The following TKTL1 variants were observed in gnomAD, a reference collection of about 807,000 sequenced individuals.
The protein encoded by TKTL1 is transketolase like 1, also known as transketolase-like protein 1.
TKTL1 carries 1 observed loss-of-function variant against 39.3 expected under a neutral mutation model. That is an observed-to-expected ratio of 0.03 (90% CI 0.01 to 0.12). The LOEUF (loss-of-function observed/expected upper bound fraction) is 0.12, where lower values mean the gene tolerates loss of function less well. TKTL1 is among the 10% of genes least tolerant of loss of function. The probability of loss-of-function intolerance (pLI) is 1.00; values close to 1 mark genes in which losing one functional copy is unlikely to be tolerated. For missense variants in TKTL1, 575 were observed against 509.6 expected, an observed-to-expected ratio of 1.13 and a Z score of -1.24; for synonymous variants, 262 against 193.8, an observed-to-expected ratio of 1.35 and a Z score of -2.92.
chrX:154,328,124 G>C (rs1341016110), intron 12 of TKTL1, among the ~76,000 whole-genome samples, 166 bp downstream of exon 12: 2 of 111,144 alleles, frequency 1.8e-5, no homozygotes, highest in African/African-American at 6.7e-5. Flanking sequence ...ACATCTGTGT[G>C]TCCCCAACAG....
chrX:154,328,002 T>C, intron 12 of TKTL1, 44 bp downstream of exon 12: 2 of 1,203,622 alleles, frequency 1.7e-6, no homozygotes, highest in Non-Finnish European at 2.2e-6. Flanking sequence ...TTTGGTGTTT[T>C]TGTTTCCTTG....
intron 3 of TKTL1, among the ~76,000 whole-genome samples, chrX:154,310,051 T>C (rs2067343933): frequency 9.0e-6 from 1 of 111,474 alleles, no homozygotes; most frequent in Non-Finnish European, 1.9e-5. Context: ...GTTTTCTTGA[T>C]GCGAACACTC....
At chrX:154,303,164 C>T (rs1557166336) in intron 1 of TKTL1, among the ~76,000 whole-genome samples, 1 of 104,019 alleles carries the variant, frequency 9.6e-6, no homozygotes, top group African/African-American at 3.6e-5. Flanking sequence ...TCTCATTCCC[C>T]ATTTTTTAAA....
At position 154,315,264 on chromosome X, in the gene TKTL1, C is replaced by A. The variant is rs781880487; in HGVS notation, c.956C>A (p.Ser319Tyr). The A allele has an allele frequency of 8.3e-7, 1 of 1,211,188 alleles. No individual in the cohort carries two copies. Among genetic ancestry groups the A allele is most frequent in the Non-Finnish European group, 1.1e-6 (1 of 895,205 alleles). ...VVVLDGDTRY[S>Y]TFSEIFNKEY... ...GTGCTGGATGGTGACACCAGGTACT[C>A]TACTTTCTCTGAGATATTCAACAAG... The change falls in exon 7 of 13, where the codon TCT (serine) becomes TAT (tyrosine). Residue 319 changes from serine to tyrosine, a missense_variant. Physicochemically the swap from Ser to Tyr is moderately radical, Grantham distance 144. Transcript: ENST00000369915.
intron 9 of TKTL1, among the ~76,000 whole-genome samples, chrX:154,324,803 T>G (rs2067480848): frequency 8.9e-6 from 1 of 112,314 alleles, no homozygotes; most frequent in Non-Finnish European, 1.9e-5. Context: ...TCGTTTATAA[T>G]GCATCCATTA....
At position 154,295,802 on chromosome X, in the gene TKTL1, G is replaced by T; in HGVS notation, c.-58G>T. On this transcript the variant is annotated 5_prime_UTR_variant, in exon 1 of 13. Transcript: ENST00000369915. Reference sequence around the variant, plus strand: ...ACTGGGCAGCTCGCAGGCGCCATTCGCTCTTCAGACGCCGGAGACGTAGGA... The same window carrying T: ...ACTGGGCAGCTCGCAGGCGCCATTCTCTCTTCAGACGCCGGAGACGTAGGA... 8.5e-7 allele frequency: 1 copy of T among 1,182,004 alleles called. No homozygotes were observed. Among genetic ancestry groups the T allele is most frequent in the Middle Eastern group, 2.5e-4 (1 of 4,007 alleles).
intron 10 of TKTL1, chrX:154,327,274 G>A (rs1414294843): frequency 1.6e-5 from 7 of 433,652 alleles, no homozygotes; most frequent in South Asian, 4.8e-5. Context: ...AGCACTCAGC[G>A]TGTTGCCAAT....
chrX:154,327,770 T>C, intron 11 of TKTL1, 69 bp from the exon 12 acceptor site: 21 of 1,205,403 alleles, frequency 1.7e-5, no homozygotes, highest in Non-Finnish European at 2.4e-5. Context: ...GAGTGCTCTT[T>C]TTATTTTTAT....
intron 1 of TKTL1, among the ~76,000 whole-genome samples, chrX:154,302,312 A>G (rs1429741509): frequency 9.0e-6 from 1 of 111,496 alleles, no homozygotes; most frequent in African/African-American, 3.3e-5. Flanking sequence ...AGGGTTGAAT[A>G]GGGGCACCCA....
At chrX:154,305,070 G>C in intron 1 of TKTL1, 2 of 1,131,730 alleles carry the variant, frequency 1.8e-6, no homozygotes, top group Non-Finnish European at 2.4e-6. Context: ...CTTGCCCCGA[G>C]TCCACGGTGC....
chrX:154,328,009 C>G, intron 12 of TKTL1, 51 bp downstream of exon 12: 3 of 1,195,332 alleles, frequency 2.5e-6, no homozygotes, highest in Non-Finnish European at 3.4e-6. Context: ...TTTTTGTTTC[C>G]TTGATTGGCC....
chrX:154,315,091 C>T, intron 6 of TKTL1, 82 bp from the exon 7 acceptor site: 1 of 991,457 alleles, frequency 1.0e-6, no homozygotes, highest in South Asian at 2.5e-5. Flanking sequence ...TGTCATTCTA[C>T]AATATGGTAC....
In TKTL1 at chrX:154,312,750, C is replaced by T. The variant is rs1557168642; in HGVS notation, c.841C>T (p.Pro281Ser). 1.0e-5 allele frequency: 12 copies of T among 1,205,766 alleles called. No homozygotes were observed. The East Asian group carries it at 3.3e-4, about 33-fold the overall frequency. ...NITDVRMTSP[P>S]DYRVGDKIAT... Reference sequence around the variant, plus strand: ...CACAGATGTAAGGATGACCTCTCCACCTGATTACAGAGTTGGTGACAAGGT... The same window carrying T: ...CACAGATGTAAGGATGACCTCTCCATCTGATTACAGAGTTGGTGACAAGGT... The change falls in exon 6 of 13, where the codon CCT (proline) becomes TCT (serine). Residue 281 changes from proline (P) to serine (S), a missense_variant. Physicochemically the swap from Pro to Ser is moderately conservative, Grantham distance 74. Coordinates refer to ENST00000369915, the MANE Select transcript of TKTL1 (RefSeq NM_012253.4).
At position 154,305,355 on chromosome X, in the gene TKTL1, C is replaced by T; in HGVS notation, c.186C>T (p.Phe62=). Residue 62 remains phenylalanine, a synonymous_variant, in exon 2 of 13, where the codon TTC becomes TTT. Transcript: ENST00000369915. ...CTGAGATCATGTCTGTGCTGTTCTT[C>T]TACATCATGAGGTACAAGCAGTCAG... is the stretch of plus-strand genomic sequence containing the variant. ...SSSEIMSVLF[F]YIMRYKQSDP... is the part of the protein sequence containing the mutation. The T allele has an allele frequency of 8.3e-7, 1 of 1,210,679 alleles. No homozygotes were observed. The highest frequency in any genetic ancestry group is 3.0e-5 in the East Asian group (1 of 33,809).
At chrX:154,298,940 C>A (rs1047429468) in intron 1 of TKTL1, among the ~76,000 whole-genome samples, 3 of 109,436 alleles carry the variant, frequency 2.7e-5, no homozygotes, top group African/African-American at 1.0e-4. Flanking sequence ...AGACCCCTGG[C>A]CTCAAGTGAT....
chrX:154,308,300 G>A (rs1277146331), intron 2 of TKTL1, among the ~76,000 whole-genome samples: 1 of 111,931 alleles, frequency 8.9e-6, no homozygotes, highest in Non-Finnish European at 1.9e-5. Context: ...GGTAGTGGGT[G>A]CCATGAGTGC....
chrX:154,310,326 C>T (rs1243347147), intron 3 of TKTL1, among the ~76,000 whole-genome samples: 1 of 111,053 alleles, frequency 9.0e-6, no homozygotes, highest in South Asian at 3.8e-4. Context: ...GGCATGGTGG[C>T]GTGGGCCTGT....
intron 1 of TKTL1, among the ~76,000 whole-genome samples, chrX:154,298,250 TCA>T (rs1370113386): frequency 1.8e-5 from 2 of 110,876 alleles, no homozygotes; most frequent in African/African-American, 6.6e-5. Context: ...TCTTGCTCTT[TCA>T]CCCAGGCTGG....
intron 1 of TKTL1, among the ~76,000 whole-genome samples, chrX:154,303,805 A>G (rs1280706995): frequency 9.2e-6 from 1 of 108,943 alleles, no homozygotes; most frequent in Non-Finnish European, 1.9e-5. Context: ...ATTTGTCACT[A>G]CCGAGTCCTA....
Sources: allele counts gnomAD v4.1 joint callset (sites outside exome capture counted in the v4.1 genomes callset), GRCh38; gene constraint gnomAD v4.1.1; transcripts MANE v1.5; gene names NCBI Gene and HGNC (gene_info 2026-07-23, HGNC 2026-07-21).